ADGRB3: variants seen among roughly 807,000 people sequenced by gnomAD.
ADGRB3 encodes brain-specific angiogenesis inhibitor 3.
Under a neutral mutation model 193.4 loss-of-function variants are expected in ADGRB3, and 37 were observed. That is an observed-to-expected ratio of 0.19 (90% CI 0.15 to 0.25). The LOEUF is 0.25. Ranked by LOEUF, ADGRB3 falls within the 10% of genes least tolerant of loss-of-function variation. The pLI is 1.00. For missense variants in ADGRB3, 1,637 were observed against 1,852.9 expected (o/e 0.88, Z 2.14); for synonymous variants, 690 against 644.2 (o/e 1.07, Z -1.08).
chr6:69,188,491 TAG>T (rs1250667716), intron 17 of ADGRB3, among the ~76,000 whole-genome samples: 1 of 152,158 alleles, frequency 6.6e-6, no homozygotes, highest in Non-Finnish European at 1.5e-5. Context: ...GTATTTTTAG[TAG>T]AGACAGGGTT....
chr6:68,883,043 G>A (rs971102338), intron 3 of ADGRB3, among the ~76,000 whole-genome samples: 1 of 152,032 alleles, frequency 6.6e-6, no homozygotes, highest in Admixed American at 6.6e-5. Context: ...ACAGGTGCCC[G>A]CCACAATTAC....
At chr6:69,170,491 C>G (rs553972512) in intron 17 of ADGRB3, among the ~76,000 whole-genome samples, 1 of 152,152 alleles carries the variant, frequency 6.6e-6, no homozygotes. Flanking sequence ...CACAGCAGCA[C>G]TATATATTCT....
At chr6:68,725,238 G>A (rs773159116) in intron 3 of ADGRB3, among the ~76,000 whole-genome samples, 48 of 151,626 alleles carry the variant, frequency 3.2e-4, no homozygotes, top group Non-Finnish European at 5.8e-4. Context: ...GAATTTGAAG[G>A]ATGTTAGAGG....
At chr6:69,313,286 T>C (rs1288622195) in intron 20 of ADGRB3, among the ~76,000 whole-genome samples, 1 of 151,862 alleles carries the variant, frequency 6.6e-6, no homozygotes, top group African/African-American at 2.4e-5. Flanking sequence ...CAGCCAACGT[T>C]GGGAAATACT....
At chr6:68,757,893 A>G (rs1231568857) in intron 3 of ADGRB3, among the ~76,000 whole-genome samples, 1 of 152,086 alleles carries the variant, frequency 6.6e-6, no homozygotes, top group African/African-American at 2.4e-5. Context: ...TGATTTCAGT[A>G]TCTATTCACA....
intron 3 of ADGRB3, among the ~76,000 whole-genome samples, chr6:68,647,360 T>C (rs1196492201): frequency 6.6e-6 from 1 of 152,316 alleles, no homozygotes; most frequent in East Asian, 1.9e-4. Flanking sequence ...AAATTTTATT[T>C]TTGTACATTA....
At chr6:68,964,962 G>C (rs962191983) in intron 8 of ADGRB3, among the ~76,000 whole-genome samples, 1 of 152,124 alleles carries the variant, frequency 6.6e-6, no homozygotes, top group Admixed American at 6.6e-5. Context: ...TCAACTATTT[G>C]ATTGACCATA....
At chr6:68,757,339 A>G (rs1413137501) in intron 3 of ADGRB3, among the ~76,000 whole-genome samples, 1 of 152,146 alleles carries the variant, frequency 6.6e-6, no homozygotes, top group Non-Finnish European at 1.5e-5. Flanking sequence ...ATCTGGTGGT[A>G]CTTTGAAACG....
At chr6:69,170,403 C>T (rs928486762) in intron 17 of ADGRB3, among the ~76,000 whole-genome samples, 11 of 152,116 alleles carry the variant, frequency 7.2e-5, no homozygotes, top group African/African-American at 2.7e-4. Flanking sequence ...TTTCTTGGCC[C>T]TTGCTATTTC....
chr6:69,341,281 T>G (rs1239324143), intron 26 of ADGRB3, among the ~76,000 whole-genome samples: 3 of 152,226 alleles, frequency 2.0e-5, no homozygotes. Context: ...GCATCTATTC[T>G]TTCCTGACTT....
chr6:68,896,587 T>TA (rs1219711984), intron 3 of ADGRB3, among the ~76,000 whole-genome samples: 1 of 152,130 alleles, frequency 6.6e-6, no homozygotes, highest in Non-Finnish European at 1.5e-5. Context: ...ATTGCAAAGG[T>TA]AAAATCTGGT....
chr6:69,160,516 G>A (rs1004659776), intron 17 of ADGRB3, among the ~76,000 whole-genome samples: 7 of 152,096 alleles, frequency 4.6e-5, no homozygotes, highest in Non-Finnish European at 1.0e-4. Flanking sequence ...ATCTTTCAGC[G>A]CTGGCTTCCC....
rs138612230 is a variant in ADGRB3, at chr6:68,681,564, G to T, written c.757+42132G>T. ...CAAAGTGCTGAGATTACAGCAGTTA[G>T]TCACCACACCTGGCTCCATTGTGCC... On this transcript the variant is annotated intron_variant, in intron 3 of 31. Transcript: ENST00000370598. 2.8e-3 allele frequency among the ~76,000 whole-genome samples: 426 copies of T among 152,216 alleles called. 1 individual carries two copies. The highest frequency in any genetic ancestry group is 9.8e-3 in the African/African-American group (409 of 41,534).
At chr6:69,090,178 A>C (rs957743744) in intron 17 of ADGRB3, among the ~76,000 whole-genome samples, 16 of 152,164 alleles carry the variant, frequency 1.1e-4, no homozygotes, top group Admixed American at 4.6e-4. Context: ...CTGAGTGTGT[A>C]ACCTTAATAT....
intron 8 of ADGRB3, among the ~76,000 whole-genome samples, chr6:68,966,132 C>T (rs920936931): frequency 6.6e-6 from 1 of 152,096 alleles, no homozygotes; most frequent in African/African-American, 2.4e-5. Flanking sequence ...AACCTGAGTT[C>T]TGTGTTTTAT....
intron 20 of ADGRB3, among the ~76,000 whole-genome samples, chr6:69,296,725 A>T: frequency 6.6e-6 from 1 of 152,116 alleles, no homozygotes; most frequent in East Asian, 1.9e-4. Context: ...ATGTCATGTT[A>T]TCCTCATACC....
At chr6:68,831,179 GAC>G (rs1033772566) in intron 3 of ADGRB3, among the ~76,000 whole-genome samples, 4 of 151,202 alleles carry the variant, frequency 2.6e-5, no homozygotes, top group Non-Finnish European at 5.9e-5. Context: ...AAGCTATAGA[GAC>G]ACAATAAAAA....
intron 3 of ADGRB3, among the ~76,000 whole-genome samples, chr6:68,808,875 A>G (rs1767458498): frequency 6.6e-6 from 1 of 152,156 alleles, no homozygotes; most frequent in Admixed American, 6.5e-5. Flanking sequence ...AAAGAGTAAC[A>G]CTGCGTGTTG....
chr6:68,905,475 G>A (rs533913520), intron 3 of ADGRB3, among the ~76,000 whole-genome samples: 1 of 152,212 alleles, frequency 6.6e-6, no homozygotes, highest in East Asian at 1.9e-4. Context: ...AAATTATAAA[G>A]TTACTTGCAA....
Sources: allele counts gnomAD v4.1 joint callset (sites outside exome capture counted in the v4.1 genomes callset), GRCh38; gene constraint gnomAD v4.1.1; transcripts MANE v1.5; gene names NCBI Gene and HGNC (gene_info 2026-07-23, HGNC 2026-07-21).